The following RNF14 variants were observed in gnomAD, a reference collection of about 807,000 sequenced individuals.
RNF14 encodes E3 ubiquitin-protein ligase RNF14.
RNF14 carries 26 observed loss-of-function variants against 52.6 expected under a neutral mutation model. The ratio of observed to expected loss-of-function variants is 0.49; its 90% CI spans 0.36 to 0.69. The LOEUF (loss-of-function observed/expected upper bound fraction) is 0.69, where lower values mean the gene tolerates loss of function less well. Among genes scored for constraint, RNF14 ranks in the 30% least tolerant of loss-of-function variants. The pLI is 0.00. For synonymous variants in RNF14, 194 were observed against 202.0 expected (o/e 0.96, Z 0.34); for missense variants, 404 against 560.4 (o/e 0.72, Z 2.82).
chr5:141,973,628 C>G lies in RNF14; in HGVS notation c.40C>G (p.Leu14Val). The G allele has an allele frequency of 6.2e-7, 1 of 1,613,634 alleles. No homozygotes were observed. The highest frequency in any genetic ancestry group is 1.1e-5 in the South Asian group (1 of 90,972). Residue 14 changes from leucine to valine, a missense_variant, in exon 3 of 9, where the codon CTG becomes GTG. Coordinates refer to ENST00000394520, the MANE Select transcript of RNF14 (RefSeq NM_004290.5). Reference protein sequence around the residue: ...EDREAQEDELLALASIYDGDE... With the variant: ...EDREAQEDELVALASIYDGDE... ...TCGAGAAGCTCAGGAGGATGAATTG[C>G]TGGCCCTGGCAAGTATTTACGATGG...
At chr5:141,964,635 A>G (rs1270263923), upstream of RNF14, among the ~76,000 whole-genome samples, 1 of 151,910 alleles carries the variant, frequency 6.6e-6, no homozygotes, top group Non-Finnish European at 1.5e-5. Context: ...ATTTTTTGAG[A>G]CAGAGTCTCA....
the RNF14 span, among the ~76,000 whole-genome samples, chr5:141,950,763 A>G: frequency 1.1e-4 from 17 of 152,306 alleles, no homozygotes; most frequent in African/African-American, 1.9e-4. Flanking sequence ...CAGCTTTGCC[A>G]CTCACTTGTT....
chr5:141,974,375 T>G (rs77871833), intron 3 of RNF14, among the ~76,000 whole-genome samples: 3,767 of 152,324 alleles, frequency 0.025, 86 homozygotes, highest in African/African-American at 0.064. Flanking sequence ...CCCAACTGAT[T>G]CATGGGTAGT....
chr5:141,980,337 G>A lies in RNF14; in HGVS notation c.1049G>A (p.Cys350Tyr), dbSNP rs1754659455. The change falls in exon 6 of 9, where the codon TGT becomes TAT. Residue 350 changes from cysteine (C) to tyrosine (Y), a missense_variant. Physicochemically the swap from Cys to Tyr is radical, Grantham distance 194. Coordinates refer to ENST00000394520, the MANE Select transcript of RNF14 (RefSeq NM_004290.5). ...TTGACCTACCATGGGGTCTCCCCAT[G>A]TAAGGTGACTGCAGGTATGTTTTAA... ...CRLTYHGVSPCKVTAEKLMDL... is the reference protein window; with the variant it reads ...CRLTYHGVSPYKVTAEKLMDL... The A allele has an allele frequency of 1.2e-6, 2 of 1,613,670 alleles. No homozygotes were observed. Among genetic ancestry groups the A allele is most frequent in the Non-Finnish European group, 1.7e-6 (2 of 1,179,888 alleles).
chr5:141,974,841 A>G lies in RNF14; in HGVS notation c.192A>G (p.Glu64=). The G allele has an allele frequency of 6.2e-7, 1 of 1,614,058 alleles. No individual in the cohort carries two copies. The highest frequency in any genetic ancestry group is 1.7e-5 in the Admixed American group (1 of 60,000). ...SNECLQNSGF[E]YTICFLPPLV... ...AGTGTCTCCAGAATAGTGGCTTTGA[A>G]TACACCATTTGCTTTCTGCCTCCAC... The change falls in exon 4 of 9, where the codon GAA becomes GAG. Residue 64 remains glutamate, a synonymous_variant. Coordinates refer to ENST00000394520, the MANE Select transcript of RNF14 (RefSeq NM_004290.5).
intron 3 of RNF14, 88 bp from the exon 4 acceptor site, chr5:141,974,716 C>A: frequency 1.6e-6 from 2 of 1,263,290 alleles, no homozygotes; most frequent in Non-Finnish European, 2.2e-6. Flanking sequence ...TCAACTAAAG[C>A]ATTAAGTCTT....
Position 141,978,356 on chromosome 5 carries a change from C to T in RNF14, c.360C>T (p.Ser120=), listed in dbSNP as rs769147771. Residue 120 remains serine (S), a synonymous_variant, in exon 5 of 9, where the codon AGC becomes AGT. Coordinates refer to ENST00000394520, the MANE Select transcript of RNF14 (RefSeq NM_004290.5). ...LDNLWEEHRG[S]VVLFAWMQFL... ...ACCTATGGGAAGAACACCGTGGCAG[C>T]GTGGTCCTGTTTGCCTGGATGCAAT... is the stretch of plus-strand genomic sequence containing the variant. 5.6e-6 allele frequency: 9 copies of T among 1,613,702 alleles called. No homozygotes were observed. Among genetic ancestry groups the T allele is most frequent in the Admixed American group, 3.3e-5 (2 of 60,010 alleles).
At chr5:141,984,416 T>C (rs1755055039) in intron 7 of RNF14, among the ~76,000 whole-genome samples, 1 of 152,180 alleles carries the variant, frequency 6.6e-6, no homozygotes, top group African/African-American at 2.4e-5. Context: ...ACTTTTGACA[T>C]ACCTTAGCCC....
At chr5:141,953,642 C>A (rs535289447), upstream of RNF14, among the ~76,000 whole-genome samples, 1 of 152,258 alleles carries the variant, frequency 6.6e-6, no homozygotes, top group Non-Finnish European at 1.5e-5. Context: ...GGCCTATTCT[C>A]TGTTGTCCTG....
intron 8 of RNF14, among the ~76,000 whole-genome samples, chr5:141,985,761 G>A (rs1475719588): frequency 1.3e-5 from 2 of 152,136 alleles, no homozygotes; most frequent in African/African-American, 4.8e-5. Context: ...CACCGTGTTA[G>A]CCAGGATGGT....
chr5:141,959,893 G>T (rs1398626997), intron 1 of RNF14, among the ~76,000 whole-genome samples: 1 of 152,150 alleles, frequency 6.6e-6, no homozygotes, highest in Non-Finnish European at 1.5e-5. Flanking sequence ...GGCTGTCATC[G>T]ATCTCACAAG....
chr5:141,966,930 T>C (rs1753362735), upstream of RNF14: 1 of 152,338 alleles, frequency 6.6e-6, no homozygotes, highest in South Asian at 2.1e-4. Flanking sequence ...GTTTTGCTCT[T>C]GGTCTAATTC....
chr5:141,973,603 T>C lies in RNF14; in HGVS notation c.15T>C (p.Asp5=). 1 of 1,609,440 alleles carries C rather than the reference T, an allele frequency of 6.2e-7. No individual in the cohort carries two copies. The highest frequency in any genetic ancestry group is 8.5e-7 in the Non-Finnish European group (1 of 1,178,798). MSSE[D]REAQEDELLA... ...TTCAGGTCCTTATGTCGTCAGAAGATCGAGAAGCTCAGGAGGATGAATTGC... is the reference window on the plus strand; with the variant it reads ...TTCAGGTCCTTATGTCGTCAGAAGACCGAGAAGCTCAGGAGGATGAATTGC... The change falls in exon 3 of 9, where the codon GAT becomes GAC. Residue 5 remains aspartate, a synonymous_variant. Coordinates refer to ENST00000394520, the MANE Select transcript of RNF14 (RefSeq NM_004290.5).
intron 6 of RNF14, among the ~76,000 whole-genome samples, chr5:141,983,055 AT>A (rs1754920192): frequency 6.6e-6 from 1 of 152,138 alleles, no homozygotes; most frequent in Non-Finnish European, 1.5e-5. Context: ...TGCAAGTATA[AT>A]TTTTACTGGG....
At chr5:141,953,795 G>A (rs535598902), upstream of RNF14, among the ~76,000 whole-genome samples, 129 of 152,336 alleles carry the variant, frequency 8.5e-4, no homozygotes, top group African/African-American at 2.9e-3. Flanking sequence ...ATTCCTAAGA[G>A]AACAGCTGGG....
At chr5:141,953,647 G>A (rs1402394448), upstream of RNF14, among the ~76,000 whole-genome samples, 1 of 152,220 alleles carries the variant, frequency 6.6e-6, no homozygotes. Context: ...ATTCTCTGTT[G>A]TCCTGTCTAC....
intron 4 of RNF14, among the ~76,000 whole-genome samples, chr5:141,977,682 C>T (rs1358389062): frequency 6.6e-6 from 1 of 152,200 alleles, no homozygotes; most frequent in Admixed American, 6.5e-5. Flanking sequence ...GGCAGCTTCC[C>T]TCCATTAACC....
At chr5:141,961,875 C>A (rs1031438493), upstream of RNF14, among the ~76,000 whole-genome samples, 12 of 152,180 alleles carry the variant, frequency 7.9e-5, no homozygotes, top group African/African-American at 2.2e-4. Flanking sequence ...GAGATCACAC[C>A]TCGCCCCTAC....
chr5:141,982,677 CTT>C (rs1266650949), intron 6 of RNF14: 6 of 152,110 alleles, frequency 3.9e-5, no homozygotes, highest in African/African-American at 1.2e-4. Flanking sequence ...CGAGGGAAAA[CTT>C]TTCAGCACCT....
Sources: allele counts gnomAD v4.1 joint callset (sites outside exome capture counted in the v4.1 genomes callset), GRCh38; gene constraint gnomAD v4.1.1; transcripts MANE v1.5; gene names NCBI Gene and HGNC (gene_info 2026-07-23, HGNC 2026-07-21).